CCDC146: variants seen among roughly 807,000 people sequenced by gnomAD.
CCDC146 encodes coiled-coil domain containing 146.
A neutral mutation model predicts 119.3 loss-of-function variants in CCDC146; 92 were observed. The observed-to-expected ratio is 0.77, with a 90% CI of 0.65 to 0.92. The LOEUF (loss-of-function observed/expected upper bound fraction) is 0.92, where lower values mean the gene tolerates loss of function less well. Among genes scored for constraint, CCDC146 ranks in the 40% least tolerant of loss-of-function variants. The probability of loss-of-function intolerance (pLI) is 0.00; values close to 1 mark genes in which losing one functional copy is unlikely to be tolerated. For missense variants in CCDC146, 1,000 were observed against 1,103.0 expected (o/e 0.91, Z 1.32); for synonymous variants, 372 against 371.8 (o/e 1.00, Z -0.01).
At chr7:77,286,697 G>A in intron 15 of CCDC146, 101 bp from the exon 16 acceptor site, 1 of 1,092,630 alleles carries the variant, frequency 9.2e-7, no homozygotes, top group Non-Finnish European at 1.4e-6. Context: ...CCCTTGTCTG[G>A]GTTGGTCCTA....
intron 2 of CCDC146, among the ~76,000 whole-genome samples, chr7:77,215,797 T>G (rs1034860802): frequency 3.9e-5 from 6 of 152,108 alleles, no homozygotes; most frequent in African/African-American, 1.2e-4. Flanking sequence ...AAAAAATAGT[T>G]GCAGGTCTTT....
intron 2 of CCDC146, among the ~76,000 whole-genome samples, chr7:77,210,013 T>A (rs1792153103): frequency 6.6e-6 from 1 of 152,210 alleles, no homozygotes. Flanking sequence ...TAAAATGCCC[T>A]TGGAGACATT....
intron 3 of CCDC146, among the ~76,000 whole-genome samples, chr7:77,240,723 A>G (rs1234281358): frequency 6.6e-6 from 1 of 152,226 alleles, no homozygotes; most frequent in African/African-American, 2.4e-5. Context: ...GTTCCCGTCT[A>G]TCCTTCACCC....
intron 2 of CCDC146, among the ~76,000 whole-genome samples, chr7:77,183,864 G>C (rs1791625240): frequency 6.6e-6 from 1 of 152,164 alleles, no homozygotes; most frequent in South Asian, 2.1e-4. Flanking sequence ...TTTGCATATA[G>C]TTATGCTAAG....
rs1793794813 is a variant in CCDC146, at chr7:77,283,320, CA to C, written c.2148+541del. Among the ~76,000 whole-genome samples the C allele has an allele frequency of 5.3e-5, 8 of 151,970 alleles. 1 individual carries two copies. In the South Asian group the frequency reaches 1.7e-3, roughly 32 times the overall value. The stretch of plus-strand genomic sequence containing the variant: ...GGCCTTTTTTAAAGTGGAATAGATC[CA>C]AAAAACTAAAACATGAAATAACAAA... On this transcript the variant is annotated intron_variant, in intron 15 of 18. Coordinates refer to ENST00000285871, the MANE Select transcript of CCDC146 (RefSeq NM_020879.3).
intron 9 of CCDC146, among the ~76,000 whole-genome samples, chr7:77,267,525 CTT>C (rs74781634): frequency 0.88 from 131,516 of 149,744 alleles, 57,947 homozygotes; most frequent in East Asian, 0.97. Flanking sequence ...TAGACTTGAT[CTT>C]TTTTTTTTTT....
chr7:77,174,424 A>C (rs549235411), intron 2 of CCDC146, among the ~76,000 whole-genome samples: 1 of 152,344 alleles, frequency 6.6e-6, no homozygotes, highest in Admixed American at 6.5e-5. Context: ...CCCCATAGGC[A>C]GTGTACACGG....
chr7:77,183,867 A>C (rs1026804218), intron 2 of CCDC146, among the ~76,000 whole-genome samples: 1 of 152,218 alleles, frequency 6.6e-6, no homozygotes, highest in Non-Finnish European at 1.5e-5. Context: ...GCATATAGTT[A>C]TGCTAAGATT....
chr7:77,133,779 A>G, intron 1 of CCDC146, among the ~76,000 whole-genome samples: 1 of 151,138 alleles, frequency 6.6e-6, no homozygotes, highest in Admixed American at 6.6e-5. Flanking sequence ...ACTCCATCCT[A>G]ACAAATAAAA....
In CCDC146 at chr7:77,196,729, A is replaced by G; in HGVS notation, c.156+28905A>G. ...TCATTTCCTTACTCTTGGTCAGAAG[A>G]TGAATTTTATCGTTCCCCAGCCAAA... On this transcript the variant is annotated intron_variant, in intron 2 of 18. Transcript: ENST00000285871. This position sits in a 1 kb window ranked among gnomAD's most constrained non-coding sequence, Gnocchi z 4.2. 6.2e-7 allele frequency: 1 copy of G among 1,614,162 alleles called. No homozygotes were observed. Among genetic ancestry groups the G allele is most frequent in the Non-Finnish European group, 8.5e-7 (1 of 1,180,008 alleles).
intron 2 of CCDC146, among the ~76,000 whole-genome samples, chr7:77,207,053 A>G (rs1792095137): frequency 6.6e-6 from 1 of 152,150 alleles, no homozygotes; most frequent in South Asian, 2.1e-4. Flanking sequence ...GTGAACTCGC[A>G]ATAAATGTTA....
At chr7:77,271,104 G>A (rs1260577241) in intron 9 of CCDC146, among the ~76,000 whole-genome samples, 1 of 150,896 alleles carries the variant, frequency 6.6e-6, no homozygotes, top group Non-Finnish European at 1.5e-5. Flanking sequence ...AATACTAAAT[G>A]TCAATTTGAT....
chr7:77,289,286 C>T (rs532872399), intron 17 of CCDC146, among the ~76,000 whole-genome samples: 1 of 152,316 alleles, frequency 6.6e-6, no homozygotes, highest in South Asian at 2.1e-4. Context: ...TGGAAGGCAA[C>T]AGTAATGCTA....
intron 14 of CCDC146, 170 bp from the exon 15 acceptor site, chr7:77,282,387 T>C (rs1793780367): frequency 1.7e-6 from 1 of 589,436 alleles, no homozygotes. Context: ...CCTAGAGAAT[T>C]CCAAAGTGTG....
chr7:77,132,868 T>C (rs1333381477), intron 1 of CCDC146, among the ~76,000 whole-genome samples: 1 of 152,150 alleles, frequency 6.6e-6, no homozygotes, highest in African/African-American at 2.4e-5. Context: ...TCTCAATAGA[T>C]TTTTTTAAAA....
At chr7:77,238,144 C>G (rs1792773784) in intron 3 of CCDC146, among the ~76,000 whole-genome samples, 1 of 152,096 alleles carries the variant, frequency 6.6e-6, no homozygotes, top group Non-Finnish European at 1.5e-5. Context: ...CCTCCAAAGC[C>G]CCCAGCCTTG....
Position 77,274,597 on chromosome 7 carries a change from C to G in CCDC146, c.1385C>G (p.Thr462Ser), listed in dbSNP as rs767470674. The change falls in exon 11 of 19, where the codon ACT becomes AGT. Residue 462 changes from threonine (T) to serine (S), a missense_variant. This residue lies in a region of CCDC146 where 985 missense variants were observed against 1,045.3 expected (regional missense o/e 0.94). Transcript: ENST00000285871. Reference protein sequence around the residue: ...KELVVNLLRMTQIKIDEKEQK... With the variant: ...KELVVNLLRMSQIKIDEKEQK... ...CTAGTAGTCAACCTTCTCCGCATGA[C>G]TCAAATCAAAATTGATGAAAAGGAA... The G allele has an allele frequency of 6.2e-7, 1 of 1,613,038 alleles. No homozygotes were observed. The highest frequency in any genetic ancestry group is 1.7e-5 in the Admixed American group (1 of 59,772).
At position 77,130,903 on chromosome 7, in the gene CCDC146, T is replaced by A. The variant is rs577456030; in HGVS notation, c.-12+8171T>A. The stretch of plus-strand genomic sequence containing the variant: ...TGAGCCACCGCGCCCGGCCCTTTTT[T>A]TTTTTTTAAACGGAGTCTCACTCTG... On this transcript the variant is annotated intron_variant, in intron 1 of 18. Coordinates refer to ENST00000285871, the MANE Select transcript of CCDC146 (RefSeq NM_020879.3). Among the ~76,000 whole-genome samples, 11 of 149,822 alleles carry A rather than the reference T, an allele frequency of 7.3e-5. No homozygotes were observed. The East Asian group carries it at 2.0e-3, about 27-fold the overall frequency.
At chr7:77,262,987 G>A (rs28760312) in intron 9 of CCDC146, among the ~76,000 whole-genome samples, 3,686 of 151,932 alleles carry the variant, frequency 0.024, 146 homozygotes, top group African/African-American at 0.083. Context: ...TTCCTTGAGC[G>A]AAAAAGGGGT....
Sources: gnomAD v4.1 joint callset for allele counts (sites outside exome capture counted in the v4.1 genomes callset) on GRCh38, gnomAD v4.1.1 for gene constraint, gnomAD v4.1.1 regional missense constraint, Gnocchi (gnomAD v3.1) non-coding constraint, MANE v1.5 for transcripts, NCBI Gene and HGNC (gene_info 2026-07-23, HGNC 2026-07-21) for gene names.